The following TBC1D5 variants were observed in gnomAD, a reference collection of about 807,000 sequenced individuals.
The protein encoded by TBC1D5 is TBC1 domain family, member 5.
Under a neutral mutation model 100.3 loss-of-function variants are expected in TBC1D5, and 75 were observed. The ratio of observed to expected loss-of-function variants is 0.75; its 90% confidence interval spans 0.62 to 0.91. The LOEUF (loss-of-function observed/expected upper bound fraction) is 0.91, where lower values mean the gene tolerates loss of function less well. TBC1D5 is among the 40% of genes least tolerant of loss of function. TBC1D5 has a pLI of 0.00. For missense variants in TBC1D5, 910 were observed against 942.4 expected (o/e 0.97, Z 0.45); for synonymous variants, 323 against 325.6 (o/e 0.99, Z 0.09).
intron 17 of TBC1D5, among the ~76,000 whole-genome samples, chr3:17,225,448 A>C (rs1332582733): frequency 1.3e-5 from 2 of 151,132 alleles, no homozygotes; most frequent in Non-Finnish European, 1.5e-5. Context: ...TCAAAAAAAA[A>C]AAAAAAAACA....
intron 13 of TBC1D5, among the ~76,000 whole-genome samples, chr3:17,339,496 A>G (rs1286774572): frequency 6.6e-6 from 1 of 152,180 alleles, no homozygotes; most frequent in Non-Finnish European, 1.5e-5. Flanking sequence ...TCTCTGAAAA[A>G]CCACTCAGTG....
intron 13 of TBC1D5, among the ~76,000 whole-genome samples, chr3:17,365,243 T>C (rs990028856): frequency 6.6e-6 from 1 of 152,344 alleles, no homozygotes; most frequent in South Asian, 2.1e-4. Flanking sequence ...TTGATTTTTG[T>C]TCGCCTCTCA....
chr3:17,324,973 T>C (rs768684209), intron 13 of TBC1D5, among the ~76,000 whole-genome samples: 4 of 152,184 alleles, frequency 2.6e-5, no homozygotes, highest in African/African-American at 7.2e-5. Flanking sequence ...TACAAAGTAA[T>C]TGAAACTCTC....
intron 1 of TBC1D5, among the ~76,000 whole-genome samples, chr3:17,648,787 C>T (rs925761018): frequency 6.6e-6 from 1 of 152,198 alleles, no homozygotes. Context: ...GACACCACCT[C>T]ACACCAGTCA....
intron 1 of TBC1D5, among the ~76,000 whole-genome samples, chr3:17,725,560 G>A (rs2076054432): frequency 6.6e-6 from 1 of 152,012 alleles, no homozygotes; most frequent in Non-Finnish European, 1.5e-5. Context: ...GCCATCCTGG[G>A]CTTCCATTTC....
rs9824370 is a variant in TBC1D5, at chr3:17,727,362, C to A, written c.-101+11981G>T. Among the ~76,000 whole-genome samples, 139 of 152,214 alleles carry A rather than the reference C, an allele frequency of 9.1e-4. 1 individual carries two copies. The highest frequency in any genetic ancestry group is 3.2e-3 in the African/African-American group (132 of 41,526). ...TGCCATTGCACTCTAGCCTGGGTGA[C>A]AGAGTGAGACTCGGTCTCAAAAAAA... On this transcript the variant is annotated intron_variant, in intron 1 of 21. Transcript: ENST00000253692.
chr3:17,556,683 T>C (rs1163734999), intron 2 of TBC1D5, among the ~76,000 whole-genome samples: 1 of 152,186 alleles, frequency 6.6e-6, no homozygotes, highest in African/African-American at 2.4e-5. Context: ...ATCAAAAAGG[T>C]AACTCATTTT....
At chr3:17,320,441 T>C (rs2085263770) in intron 13 of TBC1D5, among the ~76,000 whole-genome samples, 1 of 152,214 alleles carries the variant, frequency 6.6e-6, no homozygotes, top group Non-Finnish European at 1.5e-5. Context: ...TGAGAACCAC[T>C]ACTTTAAGAG....
At chr3:17,575,951 T>C (rs1003778422) in intron 2 of TBC1D5, among the ~76,000 whole-genome samples, 1 of 152,140 alleles carries the variant, frequency 6.6e-6, no homozygotes, top group African/African-American at 2.4e-5. Flanking sequence ...GCAAATATTT[T>C]AGGTTAATAT....
chr3:17,231,764 CTCATTGTCTA>C (rs1338653086), intron 17 of TBC1D5, among the ~76,000 whole-genome samples: 3 of 152,130 alleles, frequency 2.0e-5, no homozygotes, highest in African/African-American at 4.8e-5. Flanking sequence ...TAGGTGTACT[CTCATTGTCTA>C]TCATTGTCAA....
At chr3:17,511,552 T>G (rs1203236353) in intron 2 of TBC1D5, among the ~76,000 whole-genome samples, 1 of 151,984 alleles carries the variant, frequency 6.6e-6, no homozygotes, top group East Asian at 1.9e-4. Context: ...TTTTAAACCC[T>G]CATCTTTATG....
chr3:17,442,462 C>A (rs1446144481), intron 3 of TBC1D5, among the ~76,000 whole-genome samples: 3 of 152,182 alleles, frequency 2.0e-5, no homozygotes, highest in Non-Finnish European at 4.4e-5. Flanking sequence ...AAAGTGCATC[C>A]ATTCATGTGG....
intron 2 of TBC1D5, among the ~76,000 whole-genome samples, chr3:17,543,853 T>G (rs950431475): frequency 4.6e-5 from 7 of 151,864 alleles, no homozygotes; most frequent in African/African-American, 1.7e-4. Flanking sequence ...AAATGGGGCC[T>G]GAAAAGTTGT....
At chr3:17,360,954 T>G (rs1292620273) in intron 13 of TBC1D5, among the ~76,000 whole-genome samples, 13 of 151,980 alleles carry the variant, frequency 8.6e-5, no homozygotes. Flanking sequence ...TTGAAAGAAA[T>G]TTCAAACTGT....
At chr3:17,738,055 C>G (rs1332095298) in intron 1 of TBC1D5, among the ~76,000 whole-genome samples, 1 of 152,194 alleles carries the variant, frequency 6.6e-6, no homozygotes, top group Non-Finnish European at 1.5e-5. Context: ...AAGATTTTAA[C>G]CAATCCTTTC....
At chr3:17,696,349 C>T (rs1290728749) in intron 1 of TBC1D5, among the ~76,000 whole-genome samples, 1 of 151,988 alleles carries the variant, frequency 6.6e-6, no homozygotes, top group Admixed American at 6.6e-5. Flanking sequence ...TGATAGACTG[C>T]TAGCAAGACT....
chr3:17,388,371 T>C (rs2093235998), intron 8 of TBC1D5, among the ~76,000 whole-genome samples: 1 of 152,062 alleles, frequency 6.6e-6, no homozygotes, highest in Non-Finnish European at 1.5e-5. Flanking sequence ...AATTCAAACA[T>C]TTAATAAAGA....
At chr3:17,310,106 C>T (rs140953041) in intron 13 of TBC1D5, among the ~76,000 whole-genome samples, 74 of 152,132 alleles carry the variant, frequency 4.9e-4, no homozygotes, top group Middle Eastern at 3.4e-3. Flanking sequence ...ACCAAAGTAG[C>T]CCATTTCCTA....
intron 2 of TBC1D5, among the ~76,000 whole-genome samples, chr3:17,614,513 C>T (rs2061960888): frequency 6.6e-6 from 1 of 152,202 alleles, no homozygotes; most frequent in Non-Finnish European, 1.5e-5. Flanking sequence ...TTCCTCCTAT[C>T]CATGAGCATA....
Sources: gnomAD v4.1 joint callset for allele counts (sites outside exome capture counted in the v4.1 genomes callset) on GRCh38, gnomAD v4.1.1 for gene constraint, MANE v1.5 for transcripts, NCBI Gene and HGNC (gene_info 2026-07-23, HGNC 2026-07-21) for gene names.